The following SALL4 variants were observed in gnomAD, a reference collection of about 807,000 sequenced individuals.
SALL4 encodes the protein spalt like transcription factor 4, also known as sal-like protein 4.
In SALL4, 4 loss-of-function variants were observed where a neutral mutation model predicts 60.8. The observed-to-expected ratio is 0.07, with a 90% confidence interval of 0.03 to 0.15. SALL4 has a LOEUF of 0.15. Among genes scored for constraint, SALL4 ranks in the 10% least tolerant of loss-of-function variants. The pLI, the probability that SALL4 is intolerant of heterozygous loss-of-function variation, is 1.00. For missense variants in SALL4, 1,178 were observed against 1,394.7 expected (o/e 0.84, Z 2.48); for synonymous variants, 580 against 574.9 (o/e 1.01, Z -0.13).
Position 51,788,472 on chromosome 20 carries a change from C to T in SALL4, c.2742+389G>A, listed in dbSNP as rs1218913895. Among the ~76,000 whole-genome samples, 1 of 152,124 alleles carries T rather than the reference C, an allele frequency of 6.6e-6. No individual in the cohort carries two copies. The highest frequency in any genetic ancestry group is 2.4e-5 in the African/African-American group (1 of 41,522). On this transcript the variant is annotated intron_variant, in intron 3 of 3. Transcript: ENST00000217086. The surrounding 1 kb of genome is among the most constrained non-coding windows in gnomAD (Gnocchi z 4.1). ...TTGGGAGGCCGAGGCAGGCGGATCA[C>T]GAGATCAGGAGATCGAGACCATCCT...
At position 51,783,574 on chromosome 20, in the gene SALL4, T is replaced by G. The variant is rs2077968205; in HGVS notation, c.*691A>C. The G allele has an allele frequency of 6.5e-6, 1 of 152,800 alleles. No homozygotes were observed. The highest frequency in any genetic ancestry group is 1.5e-5 in the Non-Finnish European group (1 of 68,568). 9.5% of individuals were successfully genotyped at this position (152,800 alleles called of 1,614,324 possible). ...TCAATGAGGCTGTGTAGTTGTCTTT[T>G]CCACTGTTGTTCAGTAAGTTCCAAC... On this transcript the variant is annotated 3_prime_UTR_variant, in exon 4 of 4. Transcript: ENST00000217086.
intron 1 of SALL4, among the ~76,000 whole-genome samples, chr20:51,794,539 G>A (rs886100402): frequency 2.6e-4 from 40 of 151,902 alleles, no homozygotes; most frequent in African/African-American, 8.2e-4. Flanking sequence ...CAACAAAAGC[G>A]AAACTCCATC....
chr20:51,788,900 G>A lies in SALL4; in HGVS notation c.2703C>T (p.Asn901=). ...TGGTGGTAAAAGCTCGCCCACAAAT[G>A]TTGCACACAAAAGGCTTCTCTCCAG... ...THTGEKPFVC[N]ICGRAFTTKG... is the part of the protein sequence containing the mutation. Residue 901 remains asparagine (N), a synonymous_variant, in exon 3 of 4, where the codon AAC becomes AAT. Coordinates refer to ENST00000217086, the MANE Select transcript of SALL4 (RefSeq NM_020436.5). This position sits in a 1 kb window ranked among gnomAD's most constrained non-coding sequence, Gnocchi z 4.1. The A allele has an allele frequency of 6.2e-7, 1 of 1,614,198 alleles. No homozygotes were observed. The highest frequency in any genetic ancestry group is 1.3e-5 in the African/African-American group (1 of 75,046).
Position 51,790,949 on chromosome 20 carries a change from A to G in SALL4, c.1534T>C (p.Ser512Pro). Residue 512 changes from serine to proline, a missense_variant, in exon 2 of 4, where the codon TCT becomes CCT. Physicochemically the swap from Ser to Pro is moderately conservative, Grantham distance 74 (BLOSUM62 -1). Coordinates refer to ENST00000217086, the MANE Select transcript of SALL4 (RefSeq NM_020436.5). This position sits in a 1 kb window ranked among gnomAD's most constrained non-coding sequence, Gnocchi z 5.5. ...SLPGDLQPGP[S>P]PESEGGPTLP... ...GTGGGTCCACCCTCACTTTCTGGAGAAGGCCCAGGCTGCAGGTCACCGGGC... is the reference window on the plus strand; with the variant it reads ...GTGGGTCCACCCTCACTTTCTGGAGGAGGCCCAGGCTGCAGGTCACCGGGC... The G allele has an allele frequency of 6.2e-7, 1 of 1,614,050 alleles. No homozygotes were observed. Among genetic ancestry groups the G allele is most frequent in the Non-Finnish European group, 8.5e-7 (1 of 1,180,000 alleles).
At chr20:51,792,382 C>T (rs1314293213) in intron 1 of SALL4, 30 bp from the exon 2 acceptor site, 1 of 1,599,410 alleles carries the variant, frequency 6.3e-7, no homozygotes, top group African/African-American at 1.3e-5. Flanking sequence ...GCTAAGGACT[C>T]TGCCCAAGTA....
chr20:51,797,762 T>C (rs1042545946), intron 1 of SALL4, among the ~76,000 whole-genome samples: 1 of 121,586 alleles, frequency 8.2e-6, no homozygotes, highest in African/African-American at 3.2e-5. Flanking sequence ...ATCCAATAAG[T>C]TGGAAGAATG....
At chr20:51,786,688 T>C (rs8184337) in intron 3 of SALL4, among the ~76,000 whole-genome samples, 45,905 of 152,224 alleles carry the variant, frequency 0.3, 7,752 homozygotes, top group East Asian at 0.58. Context: ...TACTACCGTT[T>C]TGCAAAGTGC....
At chr20:51,789,409 T>G (rs1244808397) in intron 2 of SALL4, among the ~76,000 whole-genome samples, 1 of 152,160 alleles carries the variant, frequency 6.6e-6, no homozygotes, top group African/African-American at 2.4e-5. Context: ...TTCAAATTTC[T>G]GCATAAGAAA....
At chr20:51,796,748 C>T (rs940043783) in intron 1 of SALL4, among the ~76,000 whole-genome samples, 25 of 152,116 alleles carry the variant, frequency 1.6e-4, no homozygotes, top group African/African-American at 5.8e-4. Flanking sequence ...AATTCATAAT[C>T]GTTTCTTCTA....
chr20:51,787,877 A>T (rs1269763370), intron 3 of SALL4, among the ~76,000 whole-genome samples: 1 of 152,162 alleles, frequency 6.6e-6, no homozygotes, highest in East Asian at 1.9e-4. Flanking sequence ...GCTGGAGTGC[A>T]GTGGTGTGAT....
rs1555849125 is a variant in SALL4, at chr20:51,784,584, CTT to C, written c.2841_2842del (p.Arg948SerfsTer38). On this transcript the variant is annotated frameshift_variant, in exon 4 of 4. Transcript: ENST00000217086. LOFTEE classifies it low-confidence loss of function (END_TRUNC). ...TTCCTTGGGAAAGATTTCTGAGACT[CTT>C]TTTCCGTCCGTACCTAACAGAGCCA... 1 of 1,614,164 alleles carries C rather than the reference CTT, an allele frequency of 6.2e-7. No individual in the cohort carries two copies. The highest frequency in any genetic ancestry group is 8.5e-7 in the Non-Finnish European group (1 of 1,180,032).
Position 51,790,261 on chromosome 20 carries a change from A to T in SALL4, c.2222T>A (p.Phe741Tyr). 1 of 1,614,116 alleles carries T rather than the reference A, an allele frequency of 6.2e-7. No individual in the cohort carries two copies. Among genetic ancestry groups the T allele is most frequent in the Non-Finnish European group, 8.5e-7 (1 of 1,180,042 alleles). Reference protein sequence around the residue: ...DAPGKVGPAPFNLQRQGSREN... With the variant: ...DAPGKVGPAPYNLQRQGSREN... ...TCTGCTGCCCTGGCGCTGCAGGTTA[A>T]AAGGGGCAGGACCCACTTTCCCTGG... The change falls in exon 2 of 4, where the codon TTT (phenylalanine) becomes TAT (tyrosine). Residue 741 changes from phenylalanine to tyrosine, a missense_variant. By Grantham distance (22) the Phe-to-Tyr change is conservative. Transcript: ENST00000217086. The surrounding 1 kb of genome is among the most constrained non-coding windows in gnomAD (Gnocchi z 5.5).
chr20:51,787,354 G>A (rs532729638), intron 3 of SALL4, among the ~76,000 whole-genome samples: 2 of 152,244 alleles, frequency 1.3e-5, no homozygotes, highest in Admixed American at 1.3e-4. Context: ...AACCCGGGAG[G>A]CAGAGGTTGC....
Position 51,784,641 on chromosome 20 carries a change from C to T in SALL4, c.2786G>A (p.Arg929His), listed in dbSNP as rs200956651. The change falls in exon 4 of 4, where the codon CGT becomes CAT. Residue 929 changes from arginine (R) to histidine (H), a missense_variant. Arg to His is a conservative substitution (Grantham distance 29). Coordinates refer to ENST00000217086, the MANE Select transcript of SALL4 (RefSeq NM_020436.5). ...THGANNNSARRGRKLAIENTM... is the reference protein window; with the variant it reads ...THGANNNSARHGRKLAIENTM... ...GTTCTCGATGGCCAACTTCCTTCCA[C>T]GGCGGGCTGAGTTATTGTTCGCCCC... 1.2e-5 allele frequency: 19 copies of T among 1,614,070 alleles called. No individual in the cohort carries two copies. Among genetic ancestry groups the T allele is most frequent in the African/African-American group, 2.7e-5 (2 of 74,922 alleles).
intron 1 of SALL4, among the ~76,000 whole-genome samples, chr20:51,795,775 A>G (rs1481966377): frequency 2.0e-5 from 3 of 152,286 alleles, no homozygotes; most frequent in South Asian, 2.1e-4. Flanking sequence ...AATTTCCTCA[A>G]TGTACTTGCA....
At position 51,784,070 on chromosome 20, in the gene SALL4, TCAA is replaced by T; in HGVS notation, c.*192_*194del. 7.8e-6 allele frequency: 5 copies of T among 643,622 alleles called. No individual in the cohort carries two copies. The highest frequency in any genetic ancestry group is 8.0e-6 in the Non-Finnish European group (3 of 376,340). The allele number at this position is 643,622 out of a possible 1,614,324, so 39.9% of individuals were successfully genotyped here. On this transcript the variant is annotated 3_prime_UTR_variant, in exon 4 of 4. Transcript: ENST00000217086. ...TGGTATGCATTTTTTTTTTATTTTTTCAACTTTTTGCAAAGCAGCATAGCAACA... is the reference window on the plus strand; with the variant it reads ...TGGTATGCATTTTTTTTTTATTTTTTCTTTTTGCAAAGCAGCATAGCAACA...
chr20:51,789,937 T>C (rs905054931), intron 2 of SALL4, 85 bp downstream of exon 2: 5 of 1,555,296 alleles, frequency 3.2e-6, no homozygotes, highest in South Asian at 1.1e-5. Context: ...CAAGTCATAC[T>C]CTCCGTTTGT....
Position 51,791,709 on chromosome 20 carries a change from C to G in SALL4, c.774G>C (p.Lys258Asn). ...HSSGAGADTL[K>N]TLGSHMSQQV... ...GCTGAGACATGTGGCTGCCCAAGGT[C>G]TTCAGAGTGTCGGCCCCTGCCCCGC... The change falls in exon 2 of 4, where the codon AAG becomes AAC. Residue 258 changes from lysine to asparagine, a missense_variant. Transcript: ENST00000217086. This position sits in a 1 kb window ranked among gnomAD's most constrained non-coding sequence, Gnocchi z 4.6. 1 of 1,614,212 alleles carries G rather than the reference C, an allele frequency of 6.2e-7. No individual in the cohort carries two copies. Among genetic ancestry groups the G allele is most frequent in the Non-Finnish European group, 8.5e-7 (1 of 1,180,056 alleles).
rs1355453242 is a variant in SALL4, at chr20:51,802,494, C to A, written c.-86G>T. The A allele has an allele frequency of 6.3e-7, 1 of 1,590,230 alleles. No homozygotes were observed. The highest frequency in any genetic ancestry group is 8.6e-7 in the Non-Finnish European group (1 of 1,166,984). ...TGGAGTTGGGAAATTTACCCCCCTTCGGCCGGAACGCGCATGTCCCAGTAA... is the reference window on the plus strand; with the variant it reads ...TGGAGTTGGGAAATTTACCCCCCTTAGGCCGGAACGCGCATGTCCCAGTAA... On this transcript the variant is annotated 5_prime_UTR_variant, in exon 1 of 4. The change creates a premature stop within an existing upstream ORF in the 5' untranslated region. Transcript: ENST00000217086.
Sources: allele counts gnomAD v4.1 joint callset (sites outside exome capture counted in the v4.1 genomes callset), GRCh38; gene constraint gnomAD v4.1.1; non-coding constraint Gnocchi (gnomAD v3.1); transcripts MANE v1.5; gene names NCBI Gene and HGNC (gene_info 2026-07-23, HGNC 2026-07-21).